KIAA0513: variants seen among roughly 807,000 people sequenced by gnomAD.
The protein encoded by KIAA0513 is KIAA0513.
KIAA0513 carries 39 observed loss-of-function variants against 56.5 expected under a neutral mutation model. That is an observed-to-expected ratio of 0.69 (90% CI 0.53 to 0.90). The LOEUF (loss-of-function observed/expected upper bound fraction) is 0.90. Ranked by LOEUF, KIAA0513 falls within the 40% of genes least tolerant of loss-of-function variation. KIAA0513 has a pLI of 0.00. For missense variants in KIAA0513, 591 were observed against 535.2 expected (o/e 1.10, Z -1.03); for synonymous variants, 268 against 215.6 (o/e 1.24, Z -2.13).
At position 85,081,082 on chromosome 16, in the gene KIAA0513, C is replaced by G. The variant is rs1254081756; in HGVS notation, c.903-233C>G. Among the ~76,000 whole-genome samples, 3 of 152,334 alleles carry G rather than the reference C, an allele frequency of 2.0e-5. No homozygotes were observed. The East Asian group carries it at 5.8e-4, about 29-fold the overall frequency. ...GCCCGGGTTATCATAGCTTTCCCTCCCACTTGCGCCATCTCTCCTAAGAGA... is the reference window on the plus strand; with the variant it reads ...GCCCGGGTTATCATAGCTTTCCCTCGCACTTGCGCCATCTCTCCTAAGAGA... On this transcript the variant is annotated intron_variant, in intron 8 of 12. Transcript: ENST00000683363. This position sits in a 1 kb window ranked among gnomAD's most constrained non-coding sequence, Gnocchi z 4.4.
chr16:85,031,485 G>C (rs2072964017), intron 1 of KIAA0513, among the ~76,000 whole-genome samples: 3 of 152,194 alleles, frequency 2.0e-5, no homozygotes, highest in South Asian at 2.1e-4. Flanking sequence ...GATTATGCGA[G>C]AGTGGTCGTT....
chr16:85,083,423 C>T (rs1029063407), intron 10 of KIAA0513, among the ~76,000 whole-genome samples: 3 of 152,340 alleles, frequency 2.0e-5, no homozygotes, highest in East Asian at 1.9e-4. Context: ...CTTATGCAGA[C>T]TTACGGCTTT....
intron 1 of KIAA0513, among the ~76,000 whole-genome samples, chr16:85,042,378 G>A (rs966053951): frequency 2.6e-5 from 4 of 151,980 alleles, no homozygotes; most frequent in South Asian, 2.1e-4. Context: ...AATCCACCCC[G>A]GTGTACTGCA....
intron 1 of KIAA0513, among the ~76,000 whole-genome samples, chr16:85,057,158 C>T (rs1410149033): frequency 1.3e-5 from 2 of 152,202 alleles, no homozygotes; most frequent in African/African-American, 4.8e-5. Flanking sequence ...TTTTTCTTTG[C>T]CTCCTGGGTT....
chr16:85,052,611 G>T (rs1597607370), intron 1 of KIAA0513, among the ~76,000 whole-genome samples: 2 of 152,170 alleles, frequency 1.3e-5, no homozygotes, highest in Non-Finnish European at 2.9e-5. Context: ...TAGATTCTTG[G>T]ACGTGGCTAA....
At chr16:85,052,545 A>T (rs376018704) in intron 1 of KIAA0513, among the ~76,000 whole-genome samples, 6 of 152,258 alleles carry the variant, frequency 3.9e-5, no homozygotes, top group African/African-American at 1.4e-4. Context: ...CAATCAATCA[A>T]TCGATGCATC....
intron 1 of KIAA0513, among the ~76,000 whole-genome samples, chr16:85,066,360 A>G (rs907917725): frequency 8.5e-5 from 13 of 152,110 alleles, no homozygotes; most frequent in Admixed American, 3.3e-4. Context: ...CCAGATGGCA[A>G]ATGTTGTGCT....
At chr16:85,072,901 A>G (rs767974784) in intron 3 of KIAA0513, 24 bp from the exon 4 acceptor site, 1 of 1,612,554 alleles carries the variant, frequency 6.2e-7, no homozygotes, top group Non-Finnish European at 8.5e-7. Context: ...AACCTCAATG[A>G]TGTGTCTGCC....
At chr16:85,058,343 T>C (rs144449007) in intron 1 of KIAA0513, among the ~76,000 whole-genome samples, 7 of 152,278 alleles carry the variant, frequency 4.6e-5, no homozygotes, top group African/African-American at 1.2e-4. Context: ...TCAGATTTTT[T>C]GAGAGTCTTT....
intron 10 of KIAA0513, 28 bp downstream of exon 10, chr16:85,082,621 A>AT (rs954457325): frequency 6.2e-7 from 1 of 1,613,184 alleles, no homozygotes; most frequent in Non-Finnish European, 8.5e-7. Flanking sequence ...ACTTTGTTCC[A>AT]TTTTACAGTG....
At chr16:85,045,086 G>C (rs1182059147) in intron 1 of KIAA0513, among the ~76,000 whole-genome samples, 5 of 152,026 alleles carry the variant, frequency 3.3e-5, no homozygotes, top group Non-Finnish European at 4.4e-5. Flanking sequence ...CCACTGCACT[G>C]CAGCCTGGGG....
intron 1 of KIAA0513, among the ~76,000 whole-genome samples, chr16:85,065,509 C>A (rs750754188): frequency 6.6e-6 from 1 of 152,204 alleles, no homozygotes; most frequent in African/African-American, 2.4e-5. Flanking sequence ...CTGGAACCAG[C>A]CTTTTCTCTT....
At chr16:85,039,442 A>G (rs568346130) in intron 1 of KIAA0513, among the ~76,000 whole-genome samples, 1 of 152,322 alleles carries the variant, frequency 6.6e-6, no homozygotes, top group South Asian at 2.1e-4. Flanking sequence ...AACTGGGACC[A>G]TAGGCATGTG....
chr16:85,050,167 C>T (rs766462035), intron 1 of KIAA0513, among the ~76,000 whole-genome samples: 2 of 151,928 alleles, frequency 1.3e-5, no homozygotes, highest in Non-Finnish European at 2.9e-5. Context: ...AAGGGCCCAG[C>T]CCTCGACTCA....
At chr16:85,045,984 G>A (rs995362608) in intron 1 of KIAA0513, among the ~76,000 whole-genome samples, 20 of 152,260 alleles carry the variant, frequency 1.3e-4, no homozygotes, top group Admixed American at 2.0e-4. Flanking sequence ...ACGACCACCC[G>A]AGGAAGGATC....
At chr16:85,052,771 C>T (rs1170653385) in intron 1 of KIAA0513, among the ~76,000 whole-genome samples, 2 of 152,186 alleles carry the variant, frequency 1.3e-5, no homozygotes, top group Admixed American at 6.5e-5. Flanking sequence ...ATCTGAAGGT[C>T]GGTTCAGAGT....
chr16:85,048,635 T>A (rs1053296886), intron 1 of KIAA0513, among the ~76,000 whole-genome samples: 5 of 152,100 alleles, frequency 3.3e-5, no homozygotes, highest in Admixed American at 3.3e-4. Flanking sequence ...TCCCAGCACT[T>A]TGGGAGGCTG....
intron 2 of KIAA0513, among the ~76,000 whole-genome samples, chr16:85,070,792 C>G (rs2073562139): frequency 6.6e-6 from 1 of 152,230 alleles, no homozygotes. Flanking sequence ...GGTGCGCTTT[C>G]TCTGAGCACA....
At chr16:85,084,754 A>G (rs2144101261) in intron 10 of KIAA0513, among the ~76,000 whole-genome samples, 1 of 150,430 alleles carries the variant, frequency 6.6e-6, no homozygotes, top group Middle Eastern at 3.4e-3. Flanking sequence ...TAGTAGAGAC[A>G]GAGTTGCCAT....
Sources: allele counts gnomAD v4.1 joint callset (sites outside exome capture counted in the v4.1 genomes callset), GRCh38; gene constraint gnomAD v4.1.1; non-coding constraint Gnocchi (gnomAD v3.1); transcripts MANE v1.5; gene names NCBI Gene and HGNC (gene_info 2026-07-23, HGNC 2026-07-21).